The following CDC42SE2 variants were observed in gnomAD, a reference collection of about 807,000 sequenced individuals.
CDC42SE2 encodes CDC42 small effector protein 2.
Under a neutral mutation model 11.5 loss-of-function variants are expected in CDC42SE2, and 3 were observed. That is an observed-to-expected ratio of 0.26 (90% confidence interval 0.12 to 0.67). The LOEUF (loss-of-function observed/expected upper bound fraction) is 0.67. CDC42SE2 is among the 30% of genes least tolerant of loss of function. The probability of loss-of-function intolerance (pLI) is 0.80; values close to 1 mark genes in which losing one functional copy is unlikely to be tolerated. For missense variants in CDC42SE2, 82 were observed against 106.8 expected (o/e 0.77, Z 1.02); for synonymous variants, 33 against 34.8 (o/e 0.95, Z 0.18).
chr5:131,344,567 A>G (rs544279691), intron 2 of CDC42SE2, among the ~76,000 whole-genome samples: 2 of 152,146 alleles, frequency 1.3e-5, no homozygotes, highest in Non-Finnish European at 2.9e-5. Context: ...GACTCCACCT[A>G]TGGGGGCAGG....
chr5:131,242,475 T>C (rs1580713361), upstream of CDC42SE2, among the ~76,000 whole-genome samples: 1 of 152,296 alleles, frequency 6.6e-6, no homozygotes, highest in African/African-American at 2.4e-5. Flanking sequence ...AAGAAGGTTA[T>C]CCATTTCTTC....
At chr5:131,374,696 G>A (rs1308364783) in intron 3 of CDC42SE2, among the ~76,000 whole-genome samples, 3 of 151,850 alleles carry the variant, frequency 2.0e-5, no homozygotes, top group African/African-American at 4.8e-5. Context: ...TCTTCACATA[G>A]AGTTAATATA....
chr5:131,279,025 T>TG (rs1757176112), intron 1 of CDC42SE2, among the ~76,000 whole-genome samples: 1 of 151,634 alleles, frequency 6.6e-6, no homozygotes, highest in Non-Finnish European at 1.5e-5. Flanking sequence ...CCTCAAGTGA[T>TG]GCGCATGCCT....
chr5:131,329,232 C>CAAA (rs1198856954), intron 2 of CDC42SE2, among the ~76,000 whole-genome samples: 1 of 152,244 alleles, frequency 6.6e-6, no homozygotes, highest in Non-Finnish European at 1.5e-5. Flanking sequence ...GCATATCTCT[C>CAAA]TTTTAAGTCC....
At chr5:131,334,810 T>G (rs983967905) in intron 2 of CDC42SE2, among the ~76,000 whole-genome samples, 6 of 152,308 alleles carry the variant, frequency 3.9e-5, no homozygotes, top group African/African-American at 7.2e-5. Flanking sequence ...TGGGTGGTGA[T>G]ATCCCCTTTA....
At chr5:131,378,162 C>G (rs906555944) in intron 3 of CDC42SE2, among the ~76,000 whole-genome samples, 2 of 152,158 alleles carry the variant, frequency 1.3e-5, no homozygotes, top group African/African-American at 4.8e-5. Flanking sequence ...TATGTTTGAG[C>G]TGGGTCTCAA....
chr5:131,345,086 C>G (rs1190607780), intron 2 of CDC42SE2, among the ~76,000 whole-genome samples: 11 of 152,190 alleles, frequency 7.2e-5, no homozygotes, highest in Admixed American at 7.2e-4. Context: ...AAAATCAGAG[C>G]ACCTCTTCTC....
Position 131,385,942 on chromosome 5 carries a change from T to C in CDC42SE2, c.156+298T>C, listed in dbSNP as rs114127486. Among the ~76,000 whole-genome samples, 692 of 152,352 alleles carry C rather than the reference T, an allele frequency of 4.5e-3. 2 individuals are homozygous for C. Among genetic ancestry groups the C allele is most frequent in the Non-Finnish European group, 7.4e-3 (502 of 68,028 alleles). On this transcript the variant is annotated intron_variant, in intron 4 of 4. Transcript: ENST00000505065. ...TTTGAGTTCAGAATGGAGGTTAATA[T>C]CCTATTGATTCTCTTGCTCCCACCA...
chr5:131,245,262 G>A (rs1756571845), upstream of CDC42SE2, among the ~76,000 whole-genome samples: 1 of 152,082 alleles, frequency 6.6e-6, no homozygotes, highest in Non-Finnish European at 1.5e-5. Context: ...TTTATTTTTA[G>A]TCTGTGCTGT....
intron 2 of CDC42SE2, among the ~76,000 whole-genome samples, chr5:131,358,207 A>C (rs144632705): frequency 6.6e-6 from 1 of 152,178 alleles, no homozygotes; most frequent in Non-Finnish European, 1.5e-5. Flanking sequence ...CAAACTGTCT[A>C]TTGGACATCT....
rs540468006 is a variant in CDC42SE2 at position 131,377,570 on chromosome 5, A to G, written c.55-7973A>G. Among the ~76,000 whole-genome samples the G allele has an allele frequency of 2.6e-5, 4 of 152,308 alleles. No individual in the cohort carries two copies. In the East Asian group the frequency reaches 5.8e-4, roughly 22 times the overall value. The stretch of plus-strand genomic sequence containing the variant: ...CACTTGGAATCTTGTTAGATATGCA[A>G]ATTGAAGCTCCACTCCAAACTTGCT... On this transcript the variant is annotated intron_variant, in intron 3 of 4. Transcript: ENST00000505065.
chr5:131,301,261 A>G (rs557172463), intron 1 of CDC42SE2, among the ~76,000 whole-genome samples: 10 of 152,258 alleles, frequency 6.6e-5, no homozygotes, highest in African/African-American at 2.2e-4. Context: ...AATACGTTCT[A>G]GTGTTCTATG....
intron 2 of CDC42SE2, among the ~76,000 whole-genome samples, chr5:131,330,934 G>C (rs1442980385): frequency 1.3e-5 from 2 of 152,034 alleles, no homozygotes; most frequent in African/African-American, 4.8e-5. Flanking sequence ...GCTGAGGCGA[G>C]AGAATTGTTT....
chr5:131,270,193 T>C (rs1251597241), intron 1 of CDC42SE2, among the ~76,000 whole-genome samples: 1 of 151,796 alleles, frequency 6.6e-6, no homozygotes, highest in East Asian at 1.9e-4. Flanking sequence ...GCTAACACGG[T>C]GAAACCCCAT....
At chr5:131,258,920 G>C (rs1756701677) in intron 2 of CDC42SE2, among the ~76,000 whole-genome samples, 2 of 152,334 alleles carry the variant, frequency 1.3e-5, no homozygotes, top group South Asian at 4.1e-4. Context: ...CTGGCAAACA[G>C]CAGGCATTCA....
At chr5:131,377,084 C>G (rs1208910031) in intron 3 of CDC42SE2, among the ~76,000 whole-genome samples, 1 of 152,088 alleles carries the variant, frequency 6.6e-6, no homozygotes, top group Non-Finnish European at 1.5e-5. Context: ...TCCACAATGG[C>G]TAAACTAATT....
intron 1 of CDC42SE2, among the ~76,000 whole-genome samples, chr5:131,279,610 T>A (rs1344383824): frequency 6.6e-6 from 1 of 152,076 alleles, no homozygotes; most frequent in African/African-American, 2.4e-5. Context: ...ATCAATGAAA[T>A]GGTGTTGTCT....
chr5:131,319,110 G>T (rs1358924873), intron 2 of CDC42SE2, among the ~76,000 whole-genome samples: 1 of 152,062 alleles, frequency 6.6e-6, no homozygotes, highest in Admixed American at 6.5e-5. Flanking sequence ...TCACCATGTT[G>T]ACCAGGCTGG....
At chr5:131,286,048 CT>C (rs66827141) in intron 1 of CDC42SE2, among the ~76,000 whole-genome samples, 66,263 of 127,154 alleles carry the variant, frequency 0.52, 18,233 homozygotes, top group Non-Finnish European at 0.69. Flanking sequence ...GGAAATGTAG[CT>C]TTTTTTTTTT....
Sources: gnomAD v4.1 joint callset for allele counts (sites outside exome capture counted in the v4.1 genomes callset) on GRCh38, gnomAD v4.1.1 for gene constraint, MANE v1.5 for transcripts, NCBI Gene and HGNC (gene_info 2026-07-23, HGNC 2026-07-21) for gene names.